The following PCSK2 variants were observed in gnomAD, a reference collection of about 807,000 sequenced individuals.
PCSK2 encodes neuroendocrine convertase 2.
PCSK2 carries 14 observed loss-of-function variants against 69.7 expected under a neutral mutation model. The observed-to-expected ratio is 0.20, with a 90% confidence interval of 0.13 to 0.31. The LOEUF is 0.31. Ranked by LOEUF, PCSK2 falls within the 10% of genes least tolerant of loss-of-function variation. PCSK2 has a pLI of 1.00. For synonymous variants in PCSK2, 307 were observed against 320.7 expected (o/e 0.96, Z 0.46); for missense variants, 544 against 842.5 (o/e 0.65, Z 4.39).
At chr20:17,314,796 T>G (rs1347569922) in intron 2 of PCSK2, among the ~76,000 whole-genome samples, 1 of 152,224 alleles carries the variant, frequency 6.6e-6, no homozygotes, top group Admixed American at 6.5e-5. Context: ...AATTTTCACG[T>G]GTTGTCTTTG....
intron 6 of PCSK2, 66 bp from the exon 7 acceptor site, chr20:17,429,369 G>A: frequency 8.9e-7 from 1 of 1,122,220 alleles, no homozygotes; most frequent in Non-Finnish European, 1.4e-6. Flanking sequence ...AGAATTTTGA[G>A]CCCATGAGAG....
chr20:17,386,156 C>T (rs2031228721), intron 5 of PCSK2, among the ~76,000 whole-genome samples: 1 of 152,136 alleles, frequency 6.6e-6, no homozygotes, highest in South Asian at 2.1e-4. Context: ...TCTCCTAATA[C>T]ATGTATAGCT....
chr20:17,311,317 A>C (rs1989504022), intron 2 of PCSK2, among the ~76,000 whole-genome samples: 1 of 152,182 alleles, frequency 6.6e-6, no homozygotes, highest in Admixed American at 6.5e-5. Context: ...TCCGAAAAAA[A>C]TTCACTTAAG....
intron 2 of PCSK2, among the ~76,000 whole-genome samples, chr20:17,269,211 G>A (rs1165274568): frequency 6.6e-6 from 1 of 152,048 alleles, no homozygotes; most frequent in Non-Finnish European, 1.5e-5. Flanking sequence ...AAATTGAGAG[G>A]CATCCATCTA....
chr20:17,326,149 C>G (rs772231216), intron 2 of PCSK2, among the ~76,000 whole-genome samples: 5 of 152,216 alleles, frequency 3.3e-5, no homozygotes, highest in Admixed American at 2.0e-4. Flanking sequence ...ACAATGGGTA[C>G]AGCAAAGGAT....
intron 5 of PCSK2, among the ~76,000 whole-genome samples, chr20:17,371,128 G>A (rs962184627): frequency 2.0e-5 from 3 of 152,146 alleles, no homozygotes; most frequent in South Asian, 2.1e-4. Flanking sequence ...AGGTGGGGTG[G>A]TACCCATTGG....
At chr20:17,414,794 C>T (rs2031960994) in intron 6 of PCSK2, among the ~76,000 whole-genome samples, 1 of 152,212 alleles carries the variant, frequency 6.6e-6, no homozygotes, top group Non-Finnish European at 1.5e-5. Flanking sequence ...CAATAAAATA[C>T]TGGCAAACCA....
chr20:17,345,679 G>A (rs1990631861), intron 2 of PCSK2, among the ~76,000 whole-genome samples: 1 of 152,182 alleles, frequency 6.6e-6, no homozygotes, highest in African/African-American at 2.4e-5. Flanking sequence ...GCACAAATCA[G>A]AAGCAAACCA....
chr20:17,398,123 T>C (rs905758784), intron 5 of PCSK2, among the ~76,000 whole-genome samples: 1 of 152,052 alleles, frequency 6.6e-6, no homozygotes, highest in African/African-American at 2.4e-5. Flanking sequence ...AGAGTTTAGG[T>C]GCAAGGGGAG....
chr20:17,376,077 T>C (rs1006928018), intron 5 of PCSK2, among the ~76,000 whole-genome samples: 49 of 152,202 alleles, frequency 3.2e-4, no homozygotes, highest in Admixed American at 2.0e-4. Context: ...TAGAAGGGCA[T>C]TCCCAGGCTC....
intron 2 of PCSK2, among the ~76,000 whole-genome samples, chr20:17,351,848 C>T (rs1293204147): frequency 6.6e-6 from 1 of 152,052 alleles, no homozygotes; most frequent in Non-Finnish European, 1.5e-5. Context: ...GTCCCAGCCA[C>T]AGGAATCAGG....
At chr20:17,251,520 C>T (rs564884740) in intron 1 of PCSK2, among the ~76,000 whole-genome samples, 1 of 152,262 alleles carries the variant, frequency 6.6e-6, no homozygotes, top group Non-Finnish European at 1.5e-5. Context: ...GCCTGTCCCC[C>T]TGTGCCAGGG....
intron 2 of PCSK2, among the ~76,000 whole-genome samples, chr20:17,325,186 T>G (rs1304979705): frequency 6.6e-6 from 1 of 152,102 alleles, no homozygotes; most frequent in Non-Finnish European, 1.5e-5. Flanking sequence ...TCCCTGTGGG[T>G]CCAGGCTGTC....
At chr20:17,312,181 G>A (rs1174248890) in intron 2 of PCSK2, among the ~76,000 whole-genome samples, 2 of 152,150 alleles carry the variant, frequency 1.3e-5, no homozygotes, top group African/African-American at 4.8e-5. Context: ...TTGGAAACTT[G>A]GAAGTCAGCT....
At chr20:17,309,180 G>A (rs1989424988) in intron 2 of PCSK2, among the ~76,000 whole-genome samples, 1 of 152,156 alleles carries the variant, frequency 6.6e-6, no homozygotes, top group Non-Finnish European at 1.5e-5. Context: ...TGGACCAGAA[G>A]AGAAGTGAGT....
At chr20:17,327,988 T>C (rs1373073254) in intron 2 of PCSK2, among the ~76,000 whole-genome samples, 1 of 152,182 alleles carries the variant, frequency 6.6e-6, no homozygotes, top group Non-Finnish European at 1.5e-5. Context: ...AGCGGCTGTG[T>C]TTGTTGAATC....
rs74179105 is a variant in PCSK2 at position 17,355,650 on chromosome 20, AACACAC to A, written c.283-2657_283-2652del. ...ATGAATATGCACATGTGTGCACGCA[AACACAC>A]ACACACACACACACACACAGAGAGA... On this transcript the variant is annotated intron_variant, in intron 2 of 11. Coordinates refer to ENST00000262545, the MANE Select transcript of PCSK2 (RefSeq NM_002594.5). Among the ~76,000 whole-genome samples, 524 of 148,802 alleles carry A rather than the reference AACACAC, an allele frequency of 3.5e-3. 5 individuals carry two copies. The highest frequency in any genetic ancestry group is 0.012 in the African/African-American group (493 of 40,254).
chr20:17,388,668 G>A (rs972990964), intron 5 of PCSK2, among the ~76,000 whole-genome samples: 4 of 152,240 alleles, frequency 2.6e-5, no homozygotes, highest in Admixed American at 2.6e-4. Flanking sequence ...AGGAAATTCA[G>A]GAGGGGAGTC....
At position 17,482,183 on chromosome 20, in the gene PCSK2, T is replaced by G. The variant is rs1256498284; in HGVS notation, c.*113T>G. On this transcript the variant is annotated 3_prime_UTR_variant, in exon 12 of 12. Coordinates refer to ENST00000262545, the MANE Select transcript of PCSK2 (RefSeq NM_002594.5). The stretch of plus-strand genomic sequence containing the variant: ...CATCACCCGTACAGGCAATTCCGTC[T>G]TCTTAATCTGAAGCTTCACTCACTG... 1.6e-5 allele frequency: 15 copies of G among 946,218 alleles called. No individual in the cohort carries two copies. The Middle Eastern group carries it at 2.8e-3, about 174-fold the overall frequency. 58.6% of individuals were successfully genotyped at this position (946,218 alleles called of 1,614,324 possible). A position where few individuals can be genotyped will look rare whatever the true frequency, so the allele number is the denominator to read the frequency against.
Sources: allele counts gnomAD v4.1 joint callset (sites outside exome capture counted in the v4.1 genomes callset), GRCh38; gene constraint gnomAD v4.1.1; transcripts MANE v1.5; gene names NCBI Gene and HGNC (gene_info 2026-07-23, HGNC 2026-07-21).